Variants in RAPGEF2 observed in about 807,000 individuals in gnomAD.
RAPGEF2 encodes Rap guanine nucleotide exchange factor 2.
In RAPGEF2, 54 loss-of-function variants were observed where a neutral mutation model predicts 186.7. That is an observed-to-expected ratio of 0.29 (90% CI 0.23 to 0.36). The LOEUF is 0.36. Ranked by LOEUF, RAPGEF2 falls within the 10% of genes least tolerant of loss-of-function variation. RAPGEF2 has a pLI of 1.00. For missense variants in RAPGEF2, 1,532 were observed against 2,045.0 expected, an observed-to-expected ratio of 0.75 and a Z score of 4.84; for synonymous variants, 712 against 705.9, an observed-to-expected ratio of 1.01 and a Z score of -0.14.
At chr4:159,345,405 G>T in intron 24 of RAPGEF2, 76 bp downstream of exon 24, 1 of 1,355,186 alleles carries the variant, frequency 7.4e-7, no homozygotes, top group South Asian at 1.2e-5. Flanking sequence ...TATGGGCAGT[G>T]ACAAAATAAG....
chr4:159,280,378 C>CAA (rs1287623347), intron 7 of RAPGEF2, among the ~76,000 whole-genome samples: 1 of 152,102 alleles, frequency 6.6e-6, no homozygotes, highest in Admixed American at 6.5e-5. Flanking sequence ...TTAACCTAGC[C>CAA]ACAACGGAGC....
At chr4:159,348,245 TGG>T (rs1561329965) in intron 25 of RAPGEF2, among the ~76,000 whole-genome samples, 801 of 25,086 alleles carry the variant, frequency 0.032, 2 homozygotes, top group Admixed American at 0.058. Context: ...GATAGATAGA[TGG>T]ATGGATGGAT....
chr4:159,104,224 C>T lies in RAPGEF2; in HGVS notation c.62C>T (p.Thr21Ile). The change falls in exon 1 of 30, where the codon ACC becomes ATC. Residue 21 changes from threonine (T) to isoleucine (I), a missense_variant. This residue lies in a region of RAPGEF2 where 810 missense variants were observed against 1,210.5 expected (regional missense o/e 0.67). Coordinates refer to ENST00000691494, the MANE Select transcript of RAPGEF2 (RefSeq NM_001394067.2). Reference protein sequence around the residue: ...QAVMKNPPERTPQDLEIVYSY... With the variant: ...QAVMKNPPERIPQDLEIVYSY... ...GTGATGAAGAATCCCCCCGAAAGGA[C>T]CCCCCAGGTGAGAACGCGGCGGCCG... is the stretch of plus-strand genomic sequence containing the variant. 3 of 1,103,738 alleles carry T rather than the reference C, an allele frequency of 2.7e-6. No individual in the cohort carries two copies. Among genetic ancestry groups the T allele is most frequent in the Non-Finnish European group, 2.3e-6 (2 of 876,834 alleles). 68.4% of individuals were successfully genotyped at this position (1,103,738 alleles called of 1,614,324 possible).
intron 8 of RAPGEF2, among the ~76,000 whole-genome samples, chr4:159,305,372 T>A (rs529975363): frequency 3.0e-4 from 45 of 152,298 alleles, no homozygotes; most frequent in African/African-American, 1.1e-3. Context: ...ATGACAGCCA[T>A]TCTGACTGGT....
intron 1 of RAPGEF2, among the ~76,000 whole-genome samples, chr4:159,154,488 C>T (rs1743901377): frequency 6.7e-6 from 1 of 150,010 alleles, no homozygotes; most frequent in Admixed American, 6.7e-5. Flanking sequence ...GTTTTTCTCT[C>T]CTTCCACTCA....
intron 1 of RAPGEF2, among the ~76,000 whole-genome samples, chr4:159,142,495 T>C (rs1190059301): frequency 1.3e-5 from 2 of 151,650 alleles, no homozygotes; most frequent in African/African-American, 4.8e-5. Flanking sequence ...AAGGGTTGAC[T>C]TACCAGAATA....
chr4:159,330,261 G>GTA (rs367645092), intron 12 of RAPGEF2, 73 bp from the exon 13 acceptor site: 20 of 786,506 alleles, frequency 2.5e-5, no homozygotes, highest in Middle Eastern at 2.6e-4. Flanking sequence ...GTGTGTATAT[G>GTA]TATATGTGTG....
At position 159,166,382 on chromosome 4, in the gene RAPGEF2, A is replaced by G. The variant is rs138829518; in HGVS notation, c.70-20260A>G. On this transcript the variant is annotated intron_variant, in intron 1 of 29. Coordinates refer to ENST00000691494, the MANE Select transcript of RAPGEF2 (RefSeq NM_001394067.2). ...TGAGCAAACCCTCAGGGCTCTGGCA[A>G]TGAGACTGGGTGTGGCAGAGGCCTG... is the stretch of plus-strand genomic sequence containing the variant. Among the ~76,000 whole-genome samples the G allele has an allele frequency of 3.9e-5, 6 of 152,378 alleles. No individual in the cohort carries two copies. In the East Asian group the frequency reaches 7.7e-4, roughly 20 times the overall value.
At chr4:159,285,722 T>C (rs1760368983) in intron 7 of RAPGEF2, among the ~76,000 whole-genome samples, 1 of 152,198 alleles carries the variant, frequency 6.6e-6, no homozygotes, top group Non-Finnish European at 1.5e-5. Flanking sequence ...TTTTATCTAC[T>C]TACCCCATGT....
chr4:159,181,039 A>G (rs994525984), intron 1 of RAPGEF2, among the ~76,000 whole-genome samples: 1 of 152,238 alleles, frequency 6.6e-6, no homozygotes, highest in African/African-American at 2.4e-5. Context: ...AAATCCATGT[A>G]TATCATACTA....
chr4:159,118,380 G>A (rs780375084), intron 1 of RAPGEF2, among the ~76,000 whole-genome samples: 16 of 152,134 alleles, frequency 1.1e-4, no homozygotes, highest in East Asian at 1.9e-4. Context: ...CTCAGGGCTC[G>A]TGCTGATTCT....
intron 1 of RAPGEF2, among the ~76,000 whole-genome samples, chr4:159,142,588 A>T (rs1742473708): frequency 6.6e-6 from 1 of 151,992 alleles, no homozygotes. Context: ...TTGCTAATAT[A>T]TAAAAATAAA....
chr4:159,141,670 C>T (rs1742352734), intron 1 of RAPGEF2, among the ~76,000 whole-genome samples: 1 of 151,874 alleles, frequency 6.6e-6, no homozygotes, highest in Non-Finnish European at 1.5e-5. Flanking sequence ...TTTATATTTC[C>T]ACCAACAGTG....
chr4:159,252,748 G>A (rs1470256498), intron 7 of RAPGEF2, among the ~76,000 whole-genome samples: 1 of 152,190 alleles, frequency 6.6e-6, no homozygotes, highest in East Asian at 1.9e-4. Flanking sequence ...GCTAAGAGAG[G>A]CCGATTGTTT....
Position 159,241,222 on chromosome 4 carries a change from G to T in RAPGEF2, c.379G>T (p.Glu127Ter). The change falls in exon 6 of 30, where the codon GAA becomes TAA. Residue 127 changes from glutamate to a stop codon, truncating the protein, a stop_gained. Coordinates refer to ENST00000691494, the MANE Select transcript of RAPGEF2 (RefSeq NM_001394067.2). LOFTEE classifies it high-confidence loss of function. ...TCAGGTGGACTATATGGATGAAAAT[G>T]AAGAATATTTTCAGCGGCAAGCTTC... ...MIVVDYMDEN[E>*]EYFQRQASHR... 6.5e-7 allele frequency: 1 copy of T among 1,527,224 alleles called. No homozygotes were observed. The highest frequency in any genetic ancestry group is 8.8e-7 in the Non-Finnish European group (1 of 1,141,628). The allele number at this position is 1,527,224 out of a possible 1,614,324, so 94.6% of individuals were successfully genotyped here.
chr4:159,202,206 G>T (rs144132435), intron 3 of RAPGEF2, among the ~76,000 whole-genome samples: 1 of 152,248 alleles, frequency 6.6e-6, no homozygotes, highest in Non-Finnish European at 1.5e-5. Context: ...TGCTGTCCAT[G>T]TGAAGCATTT....
intron 3 of RAPGEF2, among the ~76,000 whole-genome samples, chr4:159,195,873 C>CTTT (rs1400710681): frequency 3.2e-5 from 3 of 94,042 alleles, no homozygotes; most frequent in Non-Finnish European, 6.2e-5. Flanking sequence ...TCAAACATAC[C>CTTT]TGTTTTTTTT....
chr4:159,352,732 G>T lies in RAPGEF2; in HGVS notation c.3913G>T (p.Gly1305Cys). ...TACTGTGGATAATTTTTCAGATTCT[G>T]GTCACAGTGAAATTTCTTCACGATC... ...SGTVDNFSDS[G>C]HSEISSRSSI... Residue 1305 changes from glycine to cysteine, a missense_variant, in exon 27 of 30, where the codon GGT becomes TGT. Gly to Cys is a radical substitution (Grantham distance 159). Around this residue, in one of 4 missense-constraint regions of RAPGEF2, gnomAD observed 594 missense variants for 608.5 expected, o/e 0.98. Transcript: ENST00000691494. 6.2e-7 allele frequency: 1 copy of T among 1,614,140 alleles called. No homozygotes were observed. The highest frequency in any genetic ancestry group is 8.5e-7 in the Non-Finnish European group (1 of 1,180,012).
chr4:159,253,670 T>C (rs1176542409), intron 7 of RAPGEF2, among the ~76,000 whole-genome samples: 1 of 152,150 alleles, frequency 6.6e-6, no homozygotes, highest in African/African-American at 2.4e-5. Context: ...TTCTTTCAAA[T>C]GAAAATGTTT....
Sources: allele counts gnomAD v4.1 joint callset (sites outside exome capture counted in the v4.1 genomes callset), GRCh38; gene constraint gnomAD v4.1.1; regional missense constraint gnomAD v4.1.1; transcripts MANE v1.5; gene names NCBI Gene and HGNC (gene_info 2026-07-23, HGNC 2026-07-21).